The following SEMA5A variants were observed in gnomAD, a reference collection of about 807,000 sequenced individuals.
The protein encoded by SEMA5A is semaphorin 5A.
Under a neutral mutation model 135.5 loss-of-function variants are expected in SEMA5A, and 55 were observed. That is an observed-to-expected ratio of 0.41 (90% CI 0.33 to 0.51). The LOEUF (loss-of-function observed/expected upper bound fraction) is 0.51, where lower values mean the gene tolerates loss of function less well. SEMA5A is among the 20% of genes least tolerant of loss of function. The pLI is 0.37. For synonymous variants in SEMA5A, 580 were observed against 546.5 expected (o/e 1.06, Z -0.85); for missense variants, 1,290 against 1,419.9 (o/e 0.91, Z 1.47).
Position 9,186,324 on chromosome 5 carries a change from T to C in SEMA5A, c.1273+3943A>G, listed in dbSNP as rs140122632. Among the ~76,000 whole-genome samples the C allele has an allele frequency of 1.7e-3, 258 of 152,284 alleles. 1 individual carries two copies. Among genetic ancestry groups the C allele is most frequent in the Non-Finnish European group, 2.7e-3 (182 of 68,014 alleles). ...CCAAAGAGGCAAGACGCAGATGAAC[T>C]ACACCAGCAAGAGAAGTCTAGCTCA... is the stretch of plus-strand genomic sequence containing the variant. On this transcript the variant is annotated intron_variant, in intron 11 of 22. Coordinates refer to ENST00000382496, the MANE Select transcript of SEMA5A (RefSeq NM_003966.3).
intron 2 of SEMA5A, among the ~76,000 whole-genome samples, chr5:9,381,452 C>T (rs529944789): frequency 3.9e-5 from 6 of 152,260 alleles, no homozygotes; most frequent in African/African-American, 7.2e-5. Flanking sequence ...CTGCTCTGCT[C>T]GCTCTGCTCA....
intron 5 of SEMA5A, among the ~76,000 whole-genome samples, chr5:9,306,703 C>A (rs74548256): frequency 0.14 from 20,950 of 152,150 alleles, 1,590 homozygotes; most frequent in Non-Finnish European, 0.17. Flanking sequence ...ACAACCCTCA[C>A]AATAGCCAGG....
At chr5:9,384,735 G>T (rs1267302212) in intron 2 of SEMA5A, among the ~76,000 whole-genome samples, 6 of 151,532 alleles carry the variant, frequency 4.0e-5, no homozygotes, top group African/African-American at 1.2e-4. Context: ...CAGACAGACA[G>T]ACAGACAGAT....
intron 15 of SEMA5A, among the ~76,000 whole-genome samples, chr5:9,116,681 G>C (rs995767939): frequency 6.6e-6 from 1 of 152,134 alleles, no homozygotes; most frequent in Non-Finnish European, 1.5e-5. Context: ...TTTCTTGAGG[G>C]TTGATGGTGT....
At chr5:9,298,242 A>T (rs1751438008) in intron 5 of SEMA5A, among the ~76,000 whole-genome samples, 1 of 152,228 alleles carries the variant, frequency 6.6e-6, no homozygotes, top group Non-Finnish European at 1.5e-5. Flanking sequence ...AGGAAAGAGG[A>T]TGTGAAGACA....
At chr5:9,458,095 G>T (rs1482529595) in intron 1 of SEMA5A, among the ~76,000 whole-genome samples, 1 of 151,918 alleles carries the variant, frequency 6.6e-6, no homozygotes, top group African/African-American at 2.4e-5. Context: ...TTTTAGTAGA[G>T]ACGGGATCTC....
rs28478778 is a variant in SEMA5A, at chr5:9,352,453, T to G, written c.125-14641A>C. ...TTCGTAAAAACAGGATTTTGCTATG[T>G]TGCCCAGGCTGATCTTGAATTCCCA... On this transcript the variant is annotated intron_variant, in intron 3 of 22. Transcript: ENST00000382496. 4.9e-3 allele frequency among the ~76,000 whole-genome samples: 747 copies of G among 152,310 alleles called. 6 individuals are homozygous for G. The highest frequency in any genetic ancestry group is 0.017 in the African/African-American group (716 of 41,574).
chr5:9,449,731 C>T (rs764724515), intron 1 of SEMA5A, among the ~76,000 whole-genome samples: 1 of 152,124 alleles, frequency 6.6e-6, no homozygotes, highest in Non-Finnish European at 1.5e-5. Flanking sequence ...CCGGGTGGTA[C>T]CTGGAGATGA....
intron 2 of SEMA5A, among the ~76,000 whole-genome samples, chr5:9,408,489 T>G (rs1242291658): frequency 6.6e-6 from 1 of 152,220 alleles, no homozygotes; most frequent in African/African-American, 2.4e-5. Flanking sequence ...CAGTAAATAC[T>G]GAATTGCTCA....
chr5:9,291,970 T>C (rs934935704), intron 5 of SEMA5A, among the ~76,000 whole-genome samples: 2 of 152,106 alleles, frequency 1.3e-5, no homozygotes, highest in African/African-American at 4.8e-5. Flanking sequence ...CAAGTCTCCA[T>C]ACAGGAAGCC....
chr5:9,120,359 TA>T (rs1335994506), intron 14 of SEMA5A, among the ~76,000 whole-genome samples: 1 of 152,118 alleles, frequency 6.6e-6, no homozygotes, highest in African/African-American at 2.4e-5. Flanking sequence ...TATATCATAT[TA>T]AAAATAATTT....
At chr5:9,516,461 CCCGTATAGTCAGCTGTGAAGGTTATAACG>C (rs3839330) in intron 1 of SEMA5A, 23,359 of 152,110 alleles carry the variant, frequency 0.15, 1,914 homozygotes, top group Non-Finnish European at 0.18. Flanking sequence ...CAGTGAACTA[CCCGTATAGTCAGCTGTGAAGGTTATAACG>C]CCCACTGGAC....
At chr5:9,265,680 A>G in intron 5 of SEMA5A, 1 of 401,554 alleles carries the variant, frequency 2.5e-6, no homozygotes, top group Non-Finnish European at 5.1e-6. Flanking sequence ...AATTAAAACA[A>G]GCAACTTCTG....
At chr5:9,224,942 A>T in intron 7 of SEMA5A, 55 bp from the exon 8 acceptor site, 1 of 1,495,932 alleles carries the variant, frequency 6.7e-7, no homozygotes, top group Non-Finnish European at 9.2e-7. Flanking sequence ...CCCTTTAGTG[A>T]TGCTTATGGT....
At chr5:9,416,529 C>T (rs930138209) in intron 2 of SEMA5A, among the ~76,000 whole-genome samples, 1 of 152,150 alleles carries the variant, frequency 6.6e-6, no homozygotes, top group African/African-American at 2.4e-5. Context: ...GAGCCTCTCA[C>T]CTGCAAACTG....
At chr5:9,327,551 C>G (rs17196579) in intron 4 of SEMA5A, among the ~76,000 whole-genome samples, 11,812 of 151,992 alleles carry the variant, frequency 0.078, 539 homozygotes, top group South Asian at 0.14. Flanking sequence ...TTAAAAGGTG[C>G]AAAAATAGAT....
chr5:9,414,328 C>G (rs1229928778), intron 2 of SEMA5A, among the ~76,000 whole-genome samples: 3 of 152,158 alleles, frequency 2.0e-5, no homozygotes, highest in African/African-American at 4.8e-5. Flanking sequence ...TTACTTTCAT[C>G]GAAGATGACA....
At chr5:9,437,166 C>G (rs748044288) in intron 2 of SEMA5A, among the ~76,000 whole-genome samples, 2 of 152,118 alleles carry the variant, frequency 1.3e-5, no homozygotes, top group Non-Finnish European at 2.9e-5. Context: ...CTGCAGGAGA[C>G]AAAACTGAAA....
At chr5:9,401,788 T>C (rs1413680789) in intron 2 of SEMA5A, among the ~76,000 whole-genome samples, 1 of 152,194 alleles carries the variant, frequency 6.6e-6, no homozygotes, top group African/African-American at 2.4e-5. Context: ...CAGCCTGGGG[T>C]TGCTAGTTAA....
Sources: gnomAD v4.1 joint callset for allele counts (sites outside exome capture counted in the v4.1 genomes callset) on GRCh38, gnomAD v4.1.1 for gene constraint, MANE v1.5 for transcripts, NCBI Gene and HGNC (gene_info 2026-07-23, HGNC 2026-07-21) for gene names.